The following HMHB1 variants were observed in gnomAD, a reference collection of about 807,000 sequenced individuals.
HMHB1 encodes minor histocompatibility protein HB-1.
In HMHB1, 4 loss-of-function variants were observed where a neutral mutation model predicts 2.4. The observed-to-expected ratio is 1.65, with a 90% CI of 0.81 to 3.77. HMHB1 has a LOEUF of 3.77. HMHB1 is among the 30% of genes most tolerant of loss of function. The pLI, the probability that HMHB1 is intolerant of heterozygous loss-of-function variation, is 0.01. For synonymous variants in HMHB1, 22 were observed against 17.6 expected, an observed-to-expected ratio of 1.25 and a Z score of -0.63; for missense variants, 57 against 44.2, an observed-to-expected ratio of 1.29 and a Z score of -0.82.
intron 1 of HMHB1, among the ~76,000 whole-genome samples, chr5:143,814,210 T>C (rs926360779): frequency 6.6e-6 from 1 of 152,206 alleles, no homozygotes; most frequent in Non-Finnish European, 1.5e-5. Flanking sequence ...CCAGGCTGCA[T>C]CCAGCCAAAT....
intron 1 of HMHB1, among the ~76,000 whole-genome samples, chr5:143,819,105 T>C (rs1251433047): frequency 2.0e-5 from 3 of 152,204 alleles, no homozygotes; most frequent in Non-Finnish European, 2.9e-5. Flanking sequence ...CTCTCTTTTC[T>C]CTGCTTCTCC....
chr5:143,820,536 A>C lies in HMHB1; in HGVS notation c.94A>C (p.Arg32=). The change falls in exon 2 of 2, where the codon AGG becomes CGG. Residue 32 remains arginine, a synonymous_variant. Coordinates refer to ENST00000289448, the MANE Select transcript of HMHB1 (RefSeq NM_021182.3). ...TGAAGTTGAAGATGATGTGTATCTG[A>C]GGCACAGCTCTTCCCTGACTTATAG... The C allele has an allele frequency of 1.2e-6, 2 of 1,612,956 alleles. No homozygotes were observed. Among genetic ancestry groups the C allele is most frequent in the South Asian group, 2.2e-5 (2 of 91,050 alleles).
At chr5:143,817,325 T>A (rs928199964) in intron 1 of HMHB1, among the ~76,000 whole-genome samples, 3 of 152,238 alleles carry the variant, frequency 2.0e-5, no homozygotes, top group Non-Finnish European at 4.4e-5. Context: ...CTTCTAGAAT[T>A]TTTATAGTTT....
At chr5:143,814,793 T>C (rs1759729702) in intron 1 of HMHB1, among the ~76,000 whole-genome samples, 1 of 152,222 alleles carries the variant, frequency 6.6e-6, no homozygotes, top group African/African-American at 2.4e-5. Context: ...ATTTTATCTT[T>C]TAGTCTCCTA....
At chr5:143,820,351 C>T in intron 1 of HMHB1, 129 bp from the exon 2 acceptor site, 3 of 78,902 alleles carry the variant, frequency 3.8e-5, no homozygotes, top group Non-Finnish European at 7.4e-5. Context: ...AAAAAAAAAA[C>T]AGAACAAAAC....
chr5:143,820,591 G>A lies in HMHB1; in HGVS notation c.*23G>A, dbSNP rs772955314. 2.1e-5 allele frequency: 32 copies of A among 1,514,484 alleles called. No homozygotes were observed. The highest frequency in any genetic ancestry group is 9.0e-5 in the East Asian group (4 of 44,362). The allele number at this position is 1,514,484 out of a possible 1,614,324, so 93.8% of individuals were successfully genotyped here. ...TGACACTGCTGTTGAGGTTTGACTC[G>A]AAGCCCAGAGTTTTGGTGTGGATGA... On this transcript the variant is annotated 3_prime_UTR_variant, in exon 2 of 2. Coordinates refer to ENST00000289448, the MANE Select transcript of HMHB1 (RefSeq NM_021182.3).
At position 143,812,227 on chromosome 5, in the gene HMHB1, G is replaced by C. The variant is rs1487490794; in HGVS notation, c.-41G>C. ...AAGCCGGGCAGGCCCTGAGCCTTCT[G>C]ACCTCACATCCTCTGCCACACCACA... On this transcript the variant is annotated 5_prime_UTR_variant, in exon 1 of 2. Coordinates refer to ENST00000289448, the MANE Select transcript of HMHB1 (RefSeq NM_021182.3). 22 of 1,549,530 alleles carry C rather than the reference G, an allele frequency of 1.4e-5. No homozygotes were observed. Among genetic ancestry groups the C allele is most frequent in the Non-Finnish European group, 1.8e-5 (21 of 1,145,456 alleles).
chr5:143,815,560 C>A (rs187853039), intron 1 of HMHB1, among the ~76,000 whole-genome samples: 3 of 149,660 alleles, frequency 2.0e-5, no homozygotes, highest in African/African-American at 7.4e-5. Flanking sequence ...CTCGCTCTGT[C>A]GCCCAGGCTG....
chr5:143,813,637 C>A (rs1239210784), intron 1 of HMHB1, among the ~76,000 whole-genome samples: 2 of 152,170 alleles, frequency 1.3e-5, no homozygotes, highest in African/African-American at 2.4e-5. Flanking sequence ...GTCTCATGAG[C>A]AGTCCATATT....
At chr5:143,820,346 A>C (rs1460911218) in intron 1 of HMHB1, 134 bp from the exon 2 acceptor site, 10 of 276,070 alleles carry the variant, frequency 3.6e-5, no homozygotes, top group African/African-American at 4.7e-5. Flanking sequence ...AAAAAAAAAA[A>C]AAAACAGAAC....
At chr5:143,814,644 A>G (rs1759728478) in intron 1 of HMHB1, among the ~76,000 whole-genome samples, 1 of 152,222 alleles carries the variant, frequency 6.6e-6, no homozygotes, top group African/African-American at 2.4e-5. Flanking sequence ...TGCTGTCATT[A>G]TAGGGGTAAT....
In HMHB1 at chr5:143,820,556, T is replaced by G. The variant is rs754259879; in HGVS notation, c.114T>G (p.Thr38=). Residue 38 remains threonine (T), a synonymous_variant, in exon 2 of 2, where the codon ACT becomes ACG. Coordinates refer to ENST00000289448, the MANE Select transcript of HMHB1 (RefSeq NM_021182.3). ...ATCTGAGGCACAGCTCTTCCCTGAC[T>G]TATAGGCTTTGACACTGCTGTTGAG... The G allele has an allele frequency of 1.9e-6, 3 of 1,611,156 alleles. No individual in the cohort carries two copies. The highest frequency in any genetic ancestry group is 2.2e-5 in the East Asian group (1 of 44,858).
intron 1 of HMHB1, among the ~76,000 whole-genome samples, chr5:143,818,898 A>C (rs1434561594): frequency 4.6e-5 from 7 of 152,188 alleles, no homozygotes. Context: ...TAACATCAGC[A>C]AAAGAGGGGA....
chr5:143,816,858 C>T (rs1759754973), intron 1 of HMHB1, among the ~76,000 whole-genome samples: 2 of 152,210 alleles, frequency 1.3e-5, no homozygotes, highest in Admixed American at 1.3e-4. Context: ...GCATCCATGC[C>T]AGCATCTACT....
rs1305220950 is a variant in HMHB1, at chr5:143,820,380, C to T, written c.38-100C>T. 1.6e-5 allele frequency: 4 copies of T among 251,182 alleles called. No homozygotes were observed. The East Asian group carries it at 2.1e-4, about 13-fold the overall frequency. The allele number at this position is 251,182 out of a possible 1,614,324, so 15.6% of individuals were successfully genotyped here. On this transcript the variant is annotated intron_variant, in intron 1 of 1. Transcript: ENST00000289448. The stretch of plus-strand genomic sequence containing the variant: ...ACAAAACAAAACTAAAAAGCTAACA[C>T]AAGTCCTCTTTACTCTGTTTGGAGT...
At chr5:143,819,854 G>A (rs1280365600) in intron 1 of HMHB1, among the ~76,000 whole-genome samples, 2 of 152,038 alleles carry the variant, frequency 1.3e-5, no homozygotes, top group Non-Finnish European at 2.9e-5. Flanking sequence ...CTTACAACCT[G>A]GGCTTATGGA....
intron 1 of HMHB1, among the ~76,000 whole-genome samples, chr5:143,816,242 G>C (rs1759748311): frequency 6.6e-6 from 1 of 152,144 alleles, no homozygotes; most frequent in Non-Finnish European, 1.5e-5. Flanking sequence ...GGAGTAGGTG[G>C]TGTTTGGTTA....
At chr5:143,820,125 A>AT (rs769193757) in intron 1 of HMHB1, among the ~76,000 whole-genome samples, 21 of 152,038 alleles carry the variant, frequency 1.4e-4, no homozygotes, top group South Asian at 6.2e-4. Flanking sequence ...AGAAAATAAG[A>AT]TTTTTTTGCA....
At chr5:143,817,068 T>C (rs1353326880) in intron 1 of HMHB1, among the ~76,000 whole-genome samples, 1 of 152,168 alleles carries the variant, frequency 6.6e-6, no homozygotes, top group Non-Finnish European at 1.5e-5. Context: ...TCCTTGCTGA[T>C]TTGTTTGAGT....
Sources: gnomAD v4.1 joint callset for allele counts (sites outside exome capture counted in the v4.1 genomes callset) on GRCh38, gnomAD v4.1.1 for gene constraint, MANE v1.5 for transcripts, NCBI Gene and HGNC (gene_info 2026-07-23, HGNC 2026-07-21) for gene names.